Variants in FBXW7 observed in about 807,000 individuals in gnomAD.
FBXW7 encodes F-box/WD repeat-containing protein 7.
In FBXW7, 11 loss-of-function variants were observed where a neutral mutation model predicts 86.3. That is an observed-to-expected ratio of 0.13 (90% CI 0.08 to 0.21). The LOEUF (loss-of-function observed/expected upper bound fraction) is 0.21, where lower values mean the gene tolerates loss of function less well. Among genes scored for constraint, FBXW7 ranks in the 10% least tolerant of loss-of-function variants. FBXW7 has a pLI of 1.00. For synonymous variants in FBXW7, 313 were observed against 297.9 expected, an observed-to-expected ratio of 1.05 and a Z score of -0.52; for missense variants, 488 against 847.4, an observed-to-expected ratio of 0.58 and a Z score of 5.27.
intron 2 of FBXW7, among the ~76,000 whole-genome samples, chr4:152,491,665 C>A (rs113177089): frequency 0.016 from 2,442 of 152,164 alleles, 77 homozygotes; most frequent in African/African-American, 0.056. Flanking sequence ...ATTAAGCTGG[C>A]AGTCAGACCA....
intron 4 of FBXW7, among the ~76,000 whole-genome samples, chr4:152,385,357 T>C (rs1735439164): frequency 6.6e-6 from 1 of 152,016 alleles, no homozygotes; most frequent in Non-Finnish European, 1.5e-5. Context: ...TTAATAAAGA[T>C]AATGTATTCA....
intron 2 of FBXW7, among the ~76,000 whole-genome samples, chr4:152,509,285 C>T (rs1006736549): frequency 6.6e-6 from 1 of 152,030 alleles, no homozygotes; most frequent in Non-Finnish European, 1.5e-5. Flanking sequence ...TCTGTCACTG[C>T]ATAAGATGTT....
In FBXW7 at chr4:152,352,515, T is replaced by G. The variant is rs146217648; in HGVS notation, c.502-2391A>C. 4,156 of 1,613,972 alleles carry G rather than the reference T, an allele frequency of 2.6e-3. 6 individuals carry two copies. Among genetic ancestry groups the G allele is most frequent in the Non-Finnish European group, 3.2e-3 (3,735 of 1,179,942 alleles). ...ATGTGCCGTAGAAACCCATATTTTCTGTATTTTTCCCCTTCAGTGATTCTG... is the reference window on the plus strand; with the variant it reads ...ATGTGCCGTAGAAACCCATATTTTCGGTATTTTTCCCCTTCAGTGATTCTG... On this transcript the variant is annotated intron_variant, in intron 4 of 13. Transcript: ENST00000281708.
chr4:152,350,225 C>A (rs1263099874), intron 4 of FBXW7, 101 bp from the exon 5 acceptor site: 2 of 534,274 alleles, frequency 3.7e-6, no homozygotes, highest in Admixed American at 7.1e-5. Flanking sequence ...TTTTCATATG[C>A]CTACAATGTT....
intron 11 of FBXW7, among the ~76,000 whole-genome samples, chr4:152,326,883 AG>A (rs766100001): frequency 5.5e-4 from 84 of 152,250 alleles, no homozygotes; most frequent in Non-Finnish European, 1.1e-3. Context: ...TTTAATGATT[AG>A]ATTTATAAAT....
intron 2 of FBXW7, among the ~76,000 whole-genome samples, chr4:152,481,209 T>C (rs1225870288): frequency 6.6e-6 from 1 of 152,162 alleles, no homozygotes; most frequent in Non-Finnish European, 1.5e-5. Context: ...ATAAGCTAAA[T>C]CTACTCTGGC....
intron 4 of FBXW7, among the ~76,000 whole-genome samples, chr4:152,365,554 T>C (rs1342206544): frequency 6.6e-6 from 1 of 152,088 alleles, no homozygotes; most frequent in African/African-American, 2.4e-5. Flanking sequence ...TAGTAACAGA[T>C]GGGTCATGCA....
At chr4:152,336,787 T>C (rs192419225) in intron 7 of FBXW7, among the ~76,000 whole-genome samples, 1 of 152,172 alleles carries the variant, frequency 6.6e-6, no homozygotes, top group East Asian at 1.9e-4. Context: ...CTTAGTTCCA[T>C]GCATTAAATA....
chr4:152,411,733 GAAGGGTTAC>G lies in FBXW7; in HGVS notation c.62_70del (p.Gly21_Ser24delinsAla). 1 of 1,613,542 alleles carries G rather than the reference GAAGGGTTAC, an allele frequency of 6.2e-7. No homozygotes were observed. The highest frequency in any genetic ancestry group is 8.5e-7 in the Non-Finnish European group (1 of 1,179,762). ...CTGTTCTTCATCTACCTGGCTTGAG[GAAGGGTTAC>G]CTCTCAGAGAGCCTCCAGTTCGTCG... On this transcript the variant is annotated inframe_deletion, in exon 4 of 14. Transcript: ENST00000281708.
At chr4:152,404,454 T>A (rs1328544386) in intron 4 of FBXW7, among the ~76,000 whole-genome samples, 2 of 152,248 alleles carry the variant, frequency 1.3e-5, no homozygotes, top group South Asian at 2.1e-4. Flanking sequence ...TCTTTGCATA[T>A]GTATATATGT....
intron 2 of FBXW7, among the ~76,000 whole-genome samples, chr4:152,523,159 C>A (rs1336263283): frequency 6.6e-6 from 1 of 152,154 alleles, no homozygotes; most frequent in East Asian, 1.9e-4. Context: ...AAGGATCTGG[C>A]TCCAGGACCC....
chr4:152,376,034 T>C (rs1734481618), intron 4 of FBXW7, among the ~76,000 whole-genome samples: 3 of 152,086 alleles, frequency 2.0e-5, no homozygotes, highest in Admixed American at 2.0e-4. Flanking sequence ...TAAAAATGAA[T>C]TAAAGTGGCA....
intron 2 of FBXW7, among the ~76,000 whole-genome samples, chr4:152,442,852 C>T (rs1741026990): frequency 1.3e-5 from 2 of 152,166 alleles, no homozygotes; most frequent in South Asian, 4.1e-4. Context: ...AAACCTAGAT[C>T]CACCACTTAA....
At chr4:152,471,778 C>T (rs1156496382) in intron 2 of FBXW7, among the ~76,000 whole-genome samples, 1 of 151,754 alleles carries the variant, frequency 6.6e-6, no homozygotes, top group African/African-American at 2.4e-5. Context: ...CACATACCTG[C>T]AGTCCCAGCT....
At chr4:152,521,960 C>G (rs1749061582) in intron 2 of FBXW7, among the ~76,000 whole-genome samples, 2 of 151,994 alleles carry the variant, frequency 1.3e-5, no homozygotes, top group South Asian at 4.2e-4. Flanking sequence ...GCTGAAATTA[C>G]AGGTGCACGC....
Position 152,411,455 on chromosome 4 carries a change from C to T in FBXW7, c.349G>A (p.Glu117Lys), listed in dbSNP as rs991177157. 6.2e-7 allele frequency: 1 copy of T among 1,602,290 alleles called. No individual in the cohort carries two copies. The highest frequency in any genetic ancestry group is 8.5e-7 in the Non-Finnish European group (1 of 1,171,744). ...EQDEEDEEEE[E>K]MDQESDDFDQ... is the part of the protein sequence containing the mutation. ...AAATCGTCACTCTCCTGGTCCATCT[C>T]CTCCTCCTCCTCATCCTCCTCATCT... The change falls in exon 4 of 14, where the codon GAG (glutamate) becomes AAG (lysine). Residue 117 changes from glutamate to lysine, a missense_variant. Physicochemically the swap from Glu to Lys is moderately conservative, Grantham distance 56. Coordinates refer to ENST00000281708, the MANE Select transcript of FBXW7 (RefSeq NM_001349798.2).
intron 2 of FBXW7, among the ~76,000 whole-genome samples, chr4:152,527,176 G>C (rs1305225822): frequency 6.6e-6 from 1 of 152,182 alleles, no homozygotes; most frequent in Non-Finnish European, 1.5e-5. Context: ...TCCATCAACA[G>C]GTGATGCCAC....
intron 4 of FBXW7, among the ~76,000 whole-genome samples, chr4:152,370,091 ATATTAG>A (rs2126732550): frequency 6.6e-6 from 1 of 152,150 alleles, no homozygotes; most frequent in Non-Finnish European, 1.5e-5. Flanking sequence ...CTACATGTTC[ATATTAG>A]TAGCAACAGT....
At chr4:152,355,587 C>T (rs554489595) in intron 4 of FBXW7, among the ~76,000 whole-genome samples, 23 of 152,150 alleles carry the variant, frequency 1.5e-4, no homozygotes, top group African/African-American at 5.5e-4. Context: ...TTCAGCTAGG[C>T]ACTCATTTCT....
Sources: gnomAD v4.1 joint callset for allele counts (sites outside exome capture counted in the v4.1 genomes callset) on GRCh38, gnomAD v4.1.1 for gene constraint, MANE v1.5 for transcripts, NCBI Gene and HGNC (gene_info 2026-07-23, HGNC 2026-07-21) for gene names.